STT3B: variants seen among roughly 807,000 people sequenced by gnomAD.
The protein encoded by STT3B is STT3 oligosaccharyltransferase complex catalytic subunit B.
In STT3B, 29 loss-of-function variants were observed where a neutral mutation model predicts 96.8. The ratio of observed to expected loss-of-function variants is 0.30; its 90% CI spans 0.22 to 0.41. The LOEUF (loss-of-function observed/expected upper bound fraction) is 0.41, where lower values mean the gene tolerates loss of function less well. STT3B is among the 10% of genes least tolerant of loss of function. The pLI is 1.00. For synonymous variants in STT3B, 367 were observed against 360.0 expected (o/e 1.02, Z -0.22); for missense variants, 640 against 1,022.3 (o/e 0.63, Z 5.10).
chr3:31,629,052 G>A (rs529759494), intron 13 of STT3B, among the ~76,000 whole-genome samples: 3 of 152,280 alleles, frequency 2.0e-5, no homozygotes, highest in Admixed American at 6.5e-5. Flanking sequence ...GCTGCAGTGA[G>A]CCACAGTCAC....
chr3:31,562,725 C>T (rs1355940305), intron 1 of STT3B, among the ~76,000 whole-genome samples: 1 of 152,190 alleles, frequency 6.6e-6, no homozygotes, highest in African/African-American at 2.4e-5. Flanking sequence ...TGGAATTTGT[C>T]CTTAGCGCAG....
chr3:31,632,818 T>C, intron 14 of STT3B, 117 bp from the exon 15 acceptor site: 2 of 880,022 alleles, frequency 2.3e-6, no homozygotes, highest in Non-Finnish European at 3.6e-6. Context: ...ATAGATTACT[T>C]GATTGTTTTC....
chr3:31,595,708 T>C (rs1698775306), intron 3 of STT3B, among the ~76,000 whole-genome samples: 1 of 152,212 alleles, frequency 6.6e-6, no homozygotes, highest in South Asian at 2.1e-4. Context: ...TCAGTTTACT[T>C]CCTCCTCTAG....
At chr3:31,535,912 T>G (rs1697080746) in intron 1 of STT3B, among the ~76,000 whole-genome samples, 1 of 152,214 alleles carries the variant, frequency 6.6e-6, no homozygotes, top group South Asian at 2.1e-4. Flanking sequence ...TTCATAATGT[T>G]AGATAATCTT....
chr3:31,601,871 T>G (rs1698937503), intron 5 of STT3B, among the ~76,000 whole-genome samples: 1 of 152,204 alleles, frequency 6.6e-6, no homozygotes, highest in Non-Finnish European at 1.5e-5. Flanking sequence ...CTATTCTCAT[T>G]TTACAGGTGA....
chr3:31,625,497 C>G (rs1264137969), intron 12 of STT3B, among the ~76,000 whole-genome samples: 2 of 152,126 alleles, frequency 1.3e-5, no homozygotes, highest in Non-Finnish European at 2.9e-5. Context: ...AATGTAATCC[C>G]CTCTTTGTAC....
chr3:31,628,437 T>G (rs1163787666), intron 13 of STT3B, among the ~76,000 whole-genome samples: 1 of 152,206 alleles, frequency 6.6e-6, no homozygotes, highest in Non-Finnish European at 1.5e-5. Context: ...TCACCATTGA[T>G]GGAATTTAGA....
chr3:31,635,324 C>T (rs1423672748), intron 15 of STT3B, among the ~76,000 whole-genome samples: 1 of 151,986 alleles, frequency 6.6e-6, no homozygotes, highest in East Asian at 1.9e-4. Flanking sequence ...ACTGCATTTC[C>T]GGTAATTTGT....
At chr3:31,536,067 T>TAA (rs1697086266) in intron 1 of STT3B, among the ~76,000 whole-genome samples, 1 of 152,140 alleles carries the variant, frequency 6.6e-6, no homozygotes, top group Non-Finnish European at 1.5e-5. Context: ...AAATACCTTG[T>TAA]TCTTGTTTTT....
At chr3:31,542,260 A>G (rs1207812900) in intron 1 of STT3B, among the ~76,000 whole-genome samples, 2 of 152,174 alleles carry the variant, frequency 1.3e-5, no homozygotes, top group African/African-American at 4.8e-5. Context: ...TGGCATAAAG[A>G]AGGCATTGGT....
In STT3B at chr3:31,636,189, A is replaced by C. The variant is rs1699751767; in HGVS notation, c.*125A>C. On this transcript the variant is annotated 3_prime_UTR_variant, in exon 16 of 16. Transcript: ENST00000295770. ...CATCACTGGTCCAGGTTAATGTACA[A>C]AATTTTCTGGCAATGCCTGATTAAA... 7 of 664,018 alleles carry C rather than the reference A, an allele frequency of 1.1e-5. No individual in the cohort carries two copies. The highest frequency in any genetic ancestry group is 1.7e-5 in the Non-Finnish European group (7 of 423,918). The allele number at this position is 664,018 out of a possible 1,614,324, so 41.1% of individuals were successfully genotyped here. A position where few individuals can be genotyped will look rare whatever the true frequency, so the allele number is the denominator to read the frequency against.
chr3:31,533,680 G>C (rs73824170), intron 1 of STT3B: 68,184 of 162,378 alleles, frequency 0.42, 17,397 homozygotes, highest in African/African-American at 0.72. Flanking sequence ...ACGCCAGGAG[G>C]CGGCAGGTAG....
At chr3:31,590,678 G>T (rs1698645777) in intron 3 of STT3B, among the ~76,000 whole-genome samples, 1 of 151,906 alleles carries the variant, frequency 6.6e-6, no homozygotes, top group South Asian at 2.1e-4. Context: ...CTTGTTTTAT[G>T]GTCTAGCACA....
chr3:31,547,110 T>C (rs1364485364), intron 1 of STT3B, among the ~76,000 whole-genome samples: 1 of 152,194 alleles, frequency 6.6e-6, no homozygotes, highest in African/African-American at 2.4e-5. Flanking sequence ...ATGAGTGGAC[T>C]GAGGACGTTT....
At chr3:31,626,922 T>C (rs915447570) in intron 13 of STT3B, among the ~76,000 whole-genome samples, 10 of 152,146 alleles carry the variant, frequency 6.6e-5, no homozygotes, top group Non-Finnish European at 8.8e-5. Context: ...GCCACCTTTG[T>C]CTACTCTGCC....
Position 31,603,155 on chromosome 3 carries a change from AAGTTT to A in STT3B, c.877+2701_877+2705del, listed in dbSNP as rs200691190. On this transcript the variant is annotated intron_variant, in intron 5 of 15. Transcript: ENST00000295770. ...TCAGACTCATAATTATATTAACTAA[AAGTTT>A]AGTTGTGTTGTTCTAAGTGTTGAAT... is the stretch of plus-strand genomic sequence containing the variant. 5.0e-3 allele frequency among the ~76,000 whole-genome samples: 756 copies of A among 152,334 alleles called. 28 individuals are homozygous for A. Among genetic ancestry groups the A allele is most frequent in the Admixed American group, 0.042 (636 of 15,296 alleles).
rs1699130017 is a variant in STT3B at position 31,609,253 on chromosome 3, T to A, written c.878-5852T>A. Among the ~76,000 whole-genome samples the A allele has an allele frequency of 3.3e-5, 5 of 152,318 alleles. No individual in the cohort carries two copies. In the South Asian group the frequency reaches 1.0e-3, roughly 32 times the overall value. On this transcript the variant is annotated intron_variant, in intron 5 of 15. Coordinates refer to ENST00000295770, the MANE Select transcript of STT3B (RefSeq NM_178862.3). The stretch of plus-strand genomic sequence containing the variant: ...TTTGTTTTACTCTCTTCTTTATGAG[T>A]GAATTAAATTTGCTGGTATTTGTCT...
At chr3:31,623,921 A>C in intron 11 of STT3B, 60 bp downstream of exon 11, 7 of 1,326,566 alleles carry the variant, frequency 5.3e-6, no homozygotes, top group South Asian at 1.5e-5. Flanking sequence ...TCGTTGTCTC[A>C]AAGGATATAA....
chr3:31,534,449 A>G (rs559429519), intron 1 of STT3B, among the ~76,000 whole-genome samples: 2 of 152,224 alleles, frequency 1.3e-5, no homozygotes, highest in South Asian at 4.1e-4. Flanking sequence ...CTTTTAAACT[A>G]GTGTTATCTT....
Sources: allele counts gnomAD v4.1 joint callset (sites outside exome capture counted in the v4.1 genomes callset), GRCh38; gene constraint gnomAD v4.1.1; transcripts MANE v1.5; gene names NCBI Gene and HGNC (gene_info 2026-07-23, HGNC 2026-07-21).